The following FYN variants were observed in gnomAD, a reference collection of about 807,000 sequenced individuals.
The protein encoded by FYN is tyrosine-protein kinase Fyn.
FYN carries 10 observed loss-of-function variants against 70.2 expected under a neutral mutation model. The ratio of observed to expected loss-of-function variants is 0.14; its 90% CI spans 0.09 to 0.24. The LOEUF (loss-of-function observed/expected upper bound fraction) is 0.24, where lower values mean the gene tolerates loss of function less well. Ranked by LOEUF, FYN falls within the 10% of genes least tolerant of loss-of-function variation. The pLI is 1.00. For missense variants in FYN, 319 were observed against 673.1 expected (o/e 0.47, Z 5.82); for synonymous variants, 236 against 248.6 (o/e 0.95, Z 0.48).
rs907283347 is a variant in FYN at position 111,824,118 on chromosome 6, G to C, written c.-82+22471C>G. Reference sequence around the variant, plus strand: ...AAAAGTTTCAACTGCTCTTCTGTGAGCACATGGTCTTTAAAAAATCCCCAC... The same window carrying C: ...AAAAGTTTCAACTGCTCTTCTGTGACCACATGGTCTTTAAAAAATCCCCAC... On this transcript the variant is annotated intron_variant, in intron 2 of 13. Coordinates refer to ENST00000354650, the MANE Select transcript of FYN (RefSeq NM_002037.5). Among the ~76,000 whole-genome samples, 11 of 152,188 alleles carry C rather than the reference G, an allele frequency of 7.2e-5. 1 individual carries two copies. Among genetic ancestry groups the C allele is most frequent in the Non-Finnish European group, 1.5e-5 (1 of 68,036 alleles).
chr6:111,872,571 C>CAA (rs981966234), intron 1 of FYN, among the ~76,000 whole-genome samples: 13 of 151,870 alleles, frequency 8.6e-5, no homozygotes, highest in Non-Finnish European at 1.8e-4. Flanking sequence ...CAGCACGGGG[C>CAA]ATCAATTATT....
Position 111,694,596 on chromosome 6 carries a change from T to A in FYN, c.1119+32A>T, listed in dbSNP as rs1188752589. 6.2e-7 allele frequency: 1 copy of A among 1,613,830 alleles called. No homozygotes were observed. Among genetic ancestry groups the A allele is most frequent in the East Asian group, 2.2e-5 (1 of 44,890 alleles). On this transcript the variant is annotated intron_variant, in intron 11 of 13. Transcript: ENST00000354650. This position sits in a 1 kb window ranked among gnomAD's most constrained non-coding sequence, Gnocchi z 5.0. ...ATGTACTTAGACACGTCATTAAATC[T>A]ATGGCACATCAAGTTACCCTGCAGG...
At chr6:111,702,070 CA>C (rs1799865385) in intron 8 of FYN, among the ~76,000 whole-genome samples, 1 of 151,886 alleles carries the variant, frequency 6.6e-6, no homozygotes, top group Non-Finnish European at 1.5e-5. Flanking sequence ...ATGGGTCACA[CA>C]AAAAAATATC....
chr6:111,756,015 A>G (rs980026745), intron 3 of FYN, among the ~76,000 whole-genome samples: 2 of 152,152 alleles, frequency 1.3e-5, no homozygotes, highest in African/African-American at 4.8e-5. Flanking sequence ...AATAAAGGGT[A>G]GAAATTAAAA....
intron 3 of FYN, among the ~76,000 whole-genome samples, chr6:111,760,870 T>A (rs927242868): frequency 2.6e-5 from 4 of 152,200 alleles, no homozygotes; most frequent in Non-Finnish European, 1.5e-5. Context: ...ATCTCACCAG[T>A]CCCATTCTCC....
At chr6:111,803,295 T>C (rs1418151378) in intron 2 of FYN, among the ~76,000 whole-genome samples, 1 of 152,252 alleles carries the variant, frequency 6.6e-6, no homozygotes, top group Non-Finnish European at 1.5e-5. Flanking sequence ...ATATTTGGGC[T>C]TCATTATAAC....
chr6:111,737,970 T>C (rs1481481614), intron 3 of FYN, among the ~76,000 whole-genome samples: 3 of 152,242 alleles, frequency 2.0e-5, no homozygotes, highest in Non-Finnish European at 4.4e-5. Flanking sequence ...AGAGCATTTT[T>C]ACTTTCCTGC....
intron 12 of FYN, among the ~76,000 whole-genome samples, chr6:111,686,018 T>C (rs1798987950): frequency 1.3e-5 from 2 of 152,190 alleles, no homozygotes; most frequent in Admixed American, 6.5e-5. Context: ...ACAGTTTTAA[T>C]CTTTAAAGAG....
intron 1 of FYN, among the ~76,000 whole-genome samples, chr6:111,864,875 A>T (rs940178561): frequency 6.6e-6 from 1 of 152,170 alleles, no homozygotes; most frequent in Non-Finnish European, 1.5e-5. Flanking sequence ...CAGTCTCCCC[A>T]TTTGACTAAT....
intron 2 of FYN, among the ~76,000 whole-genome samples, chr6:111,809,787 T>G (rs929705203): frequency 2.0e-5 from 3 of 152,216 alleles, no homozygotes; most frequent in East Asian, 1.9e-4. Context: ...GATGGTCATA[T>G]AAATTTCTTT....
At chr6:111,720,650 A>G (rs1196178627) in intron 3 of FYN, among the ~76,000 whole-genome samples, 1 of 152,218 alleles carries the variant, frequency 6.6e-6, no homozygotes, top group Non-Finnish European at 1.5e-5. Flanking sequence ...TAGTTACTGG[A>G]TGAAAAATAA....
intron 2 of FYN, chr6:111,813,959 G>A (rs780426164): frequency 6.6e-6 from 1 of 152,230 alleles, no homozygotes; most frequent in Non-Finnish European, 1.5e-5. Context: ...AAACCCGAGG[G>A]AGATGGATCT....
In FYN at chr6:111,744,026, G is replaced by A. The variant is rs572186661; in HGVS notation, c.-11-23964C>T. Among the ~76,000 whole-genome samples the A allele has an allele frequency of 1.2e-3, 176 of 152,324 alleles. 4 individuals are homozygous for A. The South Asian group carries it at 0.025, about 22-fold the overall frequency. ...CTCACATGGGACATGAGATTGGACCGCACAGTATTACGTATGAGCAAATTC... is the reference window on the plus strand; with the variant it reads ...CTCACATGGGACATGAGATTGGACCACACAGTATTACGTATGAGCAAATTC... On this transcript the variant is annotated intron_variant, in intron 3 of 13. Transcript: ENST00000354650.
intron 3 of FYN, among the ~76,000 whole-genome samples, chr6:111,761,089 C>G (rs1802988981): frequency 3.3e-5 from 5 of 152,338 alleles, no homozygotes; most frequent in South Asian, 4.1e-4. Flanking sequence ...ACATCACCAG[C>G]CAGTGGCAGG....
At chr6:111,673,086 C>G (rs141047390) in intron 13 of FYN, among the ~76,000 whole-genome samples, 1 of 152,190 alleles carries the variant, frequency 6.6e-6, no homozygotes, top group Non-Finnish European at 1.5e-5. Flanking sequence ...TGGGAGGGAT[C>G]AGGAAGAAAT....
Position 111,780,572 on chromosome 6 carries a change from G to T in FYN, c.-18C>A, listed in dbSNP as rs12910. The T allele has an allele frequency of 0.59, 89,864 of 152,492 alleles. 27,817 individuals are homozygous for T. Among genetic ancestry groups the T allele is most frequent in the East Asian group, 0.85 (4,403 of 5,180 alleles). 9.4% of individuals were successfully genotyped at this position (152,492 alleles called of 1,614,324 possible). ...TAAATGCAGCAACACTTACCAAAAT[G>T]TCCGCCAACGATCACAAACTTTATA... On this transcript the variant is annotated 5_prime_UTR_variant, in exon 3 of 14. Transcript: ENST00000354650.
At chr6:111,810,656 CGA>C (rs374667748) in intron 2 of FYN, among the ~76,000 whole-genome samples, 101 of 152,326 alleles carry the variant, frequency 6.6e-4, no homozygotes, top group African/African-American at 2.3e-3. Context: ...CTTACAAATA[CGA>C]GTGTGAAGCC....
At chr6:111,687,292 AATACTGGG>A (rs2128424140) in intron 12 of FYN, among the ~76,000 whole-genome samples, 1 of 152,316 alleles carries the variant, frequency 6.6e-6, no homozygotes, top group South Asian at 2.1e-4. Context: ...TTAAACCCTC[AATACTGGG>A]AGCATTTGAA....
chr6:111,872,150 C>T (rs1774292781), intron 1 of FYN, among the ~76,000 whole-genome samples: 1 of 152,122 alleles, frequency 6.6e-6, no homozygotes. Flanking sequence ...TATTATCCCT[C>T]TTCCCAGTGA....
Sources: gnomAD v4.1 joint callset for allele counts (sites outside exome capture counted in the v4.1 genomes callset) on GRCh38, gnomAD v4.1.1 for gene constraint, Gnocchi (gnomAD v3.1) non-coding constraint, MANE v1.5 for transcripts, NCBI Gene and HGNC (gene_info 2026-07-23, HGNC 2026-07-21) for gene names.